The following INPP4B variants were observed in gnomAD, a reference collection of about 807,000 sequenced individuals.
INPP4B encodes the protein inositol polyphosphate-4-phosphatase type II B.
A neutral mutation model predicts 122.5 loss-of-function variants in INPP4B; 55 were observed. The observed-to-expected ratio is 0.45, with a 90% CI of 0.36 to 0.56. The LOEUF (loss-of-function observed/expected upper bound fraction) is 0.56, where lower values mean the gene tolerates loss of function less well. INPP4B is among the 20% of genes least tolerant of loss of function. The pLI, the probability that INPP4B is intolerant of heterozygous loss-of-function variation, is 0.00. For missense variants in INPP4B, 1,000 were observed against 1,097.7 expected (o/e 0.91, Z 1.26); for synonymous variants, 403 against 388.7 (o/e 1.04, Z -0.43).
At chr4:142,047,351 G>A (rs1350009762) in intron 25 of INPP4B, among the ~76,000 whole-genome samples, 1 of 152,012 alleles carries the variant, frequency 6.6e-6, no homozygotes, top group Non-Finnish European at 1.5e-5. Context: ...CGACTATTCT[G>A]TTCAATTGAA....
rs189980323 is a variant in INPP4B, at chr4:142,446,524, T to C, written c.-126-15139A>G. On this transcript the variant is annotated intron_variant, in intron 3 of 25. Coordinates refer to ENST00000262992, the MANE Select transcript of INPP4B (RefSeq NM_001101669.3). ...AGTAATTTCACTTCTAAGCATATAATGTAGATAAACTCTTACAAATGCATA... is the reference window on the plus strand; with the variant it reads ...AGTAATTTCACTTCTAAGCATATAACGTAGATAAACTCTTACAAATGCATA... Among the ~76,000 whole-genome samples, 756 of 152,266 alleles carry C rather than the reference T, an allele frequency of 5.0e-3. 3 individuals are homozygous for C. Among genetic ancestry groups the C allele is most frequent in the African/African-American group, 0.018 (742 of 41,572 alleles).
intron 15 of INPP4B, among the ~76,000 whole-genome samples, chr4:142,184,118 T>A (rs1184788035): frequency 6.6e-6 from 1 of 152,228 alleles, no homozygotes; most frequent in African/African-American, 2.4e-5. Flanking sequence ...TTCAATTTTT[T>A]AAAATTCTGA....
chr4:142,718,756 A>C (rs1010768151), intron 2 of INPP4B, among the ~76,000 whole-genome samples: 1 of 152,206 alleles, frequency 6.6e-6, no homozygotes, highest in African/African-American at 2.4e-5. Context: ...AAAGAATAAC[A>C]ATCAAAGTCT....
chr4:142,662,482 G>A (rs921030980), intron 2 of INPP4B, among the ~76,000 whole-genome samples: 5 of 152,204 alleles, frequency 3.3e-5, no homozygotes, highest in Admixed American at 6.5e-5. Context: ...TGTTGATGAC[G>A]CGGGGAGGTG....
intron 18 of INPP4B, among the ~76,000 whole-genome samples, chr4:142,134,641 C>CA (rs1803063097): frequency 6.6e-6 from 1 of 151,442 alleles, no homozygotes; most frequent in Non-Finnish European, 1.5e-5. Flanking sequence ...ACTAAAAATG[C>CA]AAAAAATTAG....
chr4:142,518,265 C>T (rs997930470), intron 2 of INPP4B, among the ~76,000 whole-genome samples: 1 of 152,076 alleles, frequency 6.6e-6, no homozygotes, highest in Non-Finnish European at 1.5e-5. Context: ...ATGTGTGACA[C>T]CAGAGTTTTC....
At chr4:142,561,056 A>G (rs1250836108) in intron 2 of INPP4B, among the ~76,000 whole-genome samples, 3 of 152,210 alleles carry the variant, frequency 2.0e-5, no homozygotes, top group Admixed American at 6.5e-5. Flanking sequence ...TGAATTCCCC[A>G]AAAAAGTATT....
intron 1 of INPP4B, among the ~76,000 whole-genome samples, chr4:142,772,034 T>A (rs1242063081): frequency 6.6e-6 from 1 of 152,170 alleles, no homozygotes; most frequent in Non-Finnish European, 1.5e-5. Context: ...AAGAGTTCTC[T>A]GATCATGTTA....
intron 2 of INPP4B, among the ~76,000 whole-genome samples, chr4:142,681,508 C>T (rs150118195): frequency 1.8e-3 from 269 of 151,606 alleles, no homozygotes; most frequent in Middle Eastern, 0.017. Flanking sequence ...AATCAAATAA[C>T]GAATTTAAAA....
chr4:142,208,296 G>A (rs940061234), intron 14 of INPP4B, 129 bp downstream of exon 14: 30 of 445,252 alleles, frequency 6.7e-5, no homozygotes, highest in African/African-American at 5.1e-4. Context: ...GGGTCATTAT[G>A]AGGTTCAACT....
chr4:142,730,605 T>C (rs1429686094), intron 1 of INPP4B, among the ~76,000 whole-genome samples: 22 of 152,220 alleles, frequency 1.4e-4, no homozygotes, highest in Admixed American at 1.4e-3. Context: ...GATCTCCAGG[T>C]ACTTTGGACT....
chr4:142,176,244 C>T (rs1010772254), intron 15 of INPP4B, among the ~76,000 whole-genome samples: 4 of 151,226 alleles, frequency 2.6e-5, no homozygotes, highest in African/African-American at 9.7e-5. Flanking sequence ...CCCATTAAGT[C>T]ATCATTTACA....
intron 7 of INPP4B, among the ~76,000 whole-genome samples, chr4:142,358,093 G>A (rs1282348563): frequency 6.6e-6 from 1 of 151,886 alleles, no homozygotes. Flanking sequence ...CATATCAACT[G>A]CTTTAACAGT....
rs144549337 is a variant in INPP4B at position 142,600,299 on chromosome 4, A to T, written c.-191+125540T>A. On this transcript the variant is annotated intron_variant, in intron 2 of 25. Transcript: ENST00000262992. ...TCTTTCTCAGCATAAACCTTACAGG[A>T]CAGGAGAGAATGGGAGGATATATTC... 2.7e-3 allele frequency among the ~76,000 whole-genome samples: 407 copies of T among 152,300 alleles called. 6 individuals carry two copies. The highest frequency in any genetic ancestry group is 0.018 in the East Asian group (95 of 5,170).
chr4:142,373,335 C>T (rs992016956), intron 7 of INPP4B, among the ~76,000 whole-genome samples: 9 of 151,980 alleles, frequency 5.9e-5, no homozygotes, highest in African/African-American at 1.4e-4. Flanking sequence ...AGTGTGTTTT[C>T]GTGAAATTGT....
intron 2 of INPP4B, among the ~76,000 whole-genome samples, chr4:142,650,940 ACTT>A (rs1314820968): frequency 1.3e-5 from 2 of 152,264 alleles, no homozygotes; most frequent in Admixed American, 6.5e-5. Flanking sequence ...ACCACATCAC[ACTT>A]CTTCTAAAAT....
intron 7 of INPP4B, among the ~76,000 whole-genome samples, chr4:142,362,999 CA>C (rs1189589486): frequency 6.6e-6 from 1 of 151,964 alleles, no homozygotes; most frequent in Non-Finnish European, 1.5e-5. Context: ...TTTAAAATAA[CA>C]GCAACAAAAA....
At chr4:142,766,438 A>G (rs1417164648) in intron 1 of INPP4B, among the ~76,000 whole-genome samples, 2 of 151,748 alleles carry the variant, frequency 1.3e-5, no homozygotes, top group East Asian at 3.9e-4. Context: ...CTGAAGTGCA[A>G]TGGTGGCACA....
chr4:142,685,192 G>T (rs1185112077), intron 2 of INPP4B, among the ~76,000 whole-genome samples: 1 of 152,010 alleles, frequency 6.6e-6, no homozygotes, highest in East Asian at 1.9e-4. Flanking sequence ...TACTTAATAA[G>T]CAGAAGCTGA....
Sources: allele counts gnomAD v4.1 joint callset (sites outside exome capture counted in the v4.1 genomes callset), GRCh38; gene constraint gnomAD v4.1.1; transcripts MANE v1.5; gene names NCBI Gene and HGNC (gene_info 2026-07-23, HGNC 2026-07-21).